Variants in ROBO1 observed in about 807,000 individuals in gnomAD.
The protein encoded by ROBO1 is roundabout guidance receptor 1, also known as roundabout homolog 1.
A neutral mutation model predicts 195.9 loss-of-function variants in ROBO1; 149 were observed. That is an observed-to-expected ratio of 0.76 (90% CI 0.67 to 0.87). The LOEUF (loss-of-function observed/expected upper bound fraction) is 0.87, where lower values mean the gene tolerates loss of function less well. Ranked by LOEUF, ROBO1 falls within the 40% of genes least tolerant of loss-of-function variation. The probability of loss-of-function intolerance (pLI) is 0.00; values close to 1 mark genes in which losing one functional copy is unlikely to be tolerated. For synonymous variants in ROBO1, 816 were observed against 733.2 expected (o/e 1.11, Z -1.82); for missense variants, 1,933 against 2,068.3 (o/e 0.93, Z 1.27).
At chr3:78,705,904 C>G (rs1054561193) in intron 8 of ROBO1, among the ~76,000 whole-genome samples, 4 of 151,884 alleles carry the variant, frequency 2.6e-5, no homozygotes, top group Admixed American at 2.6e-4. Flanking sequence ...AATTCTTGAC[C>G]CCCCCATACC....
At chr3:78,913,014 T>A (rs2038341183) in intron 4 of ROBO1, among the ~76,000 whole-genome samples, 1 of 152,134 alleles carries the variant, frequency 6.6e-6, no homozygotes, top group African/African-American at 2.4e-5. Flanking sequence ...AGCACAGATT[T>A]TTTGATATGA....
intron 4 of ROBO1, among the ~76,000 whole-genome samples, chr3:78,935,941 G>T (rs1310024724): frequency 6.6e-6 from 1 of 151,862 alleles, no homozygotes; most frequent in Non-Finnish European, 1.5e-5. Flanking sequence ...AACTTTAACT[G>T]CATCAATACT....
At chr3:78,707,550 T>G (rs573404678) in intron 8 of ROBO1, among the ~76,000 whole-genome samples, 35 of 152,276 alleles carry the variant, frequency 2.3e-4, no homozygotes, top group African/African-American at 8.2e-4. Context: ...ATACTGTATT[T>G]TATAGTTAAA....
intron 2 of ROBO1, among the ~76,000 whole-genome samples, chr3:79,461,527 A>G (rs1937639076): frequency 6.6e-6 from 1 of 152,226 alleles, no homozygotes; most frequent in Non-Finnish European, 1.5e-5. Flanking sequence ...ATTGTCATCC[A>G]TACATTATTG....
At chr3:79,599,219 G>A (rs1240505434) in intron 1 of ROBO1, among the ~76,000 whole-genome samples, 1 of 151,936 alleles carries the variant, frequency 6.6e-6, no homozygotes, top group Non-Finnish European at 1.5e-5. Flanking sequence ...TTCAAATAAA[G>A]TACTAGATGA....
intron 1 of ROBO1, among the ~76,000 whole-genome samples, chr3:79,703,607 A>G (rs1423832907): frequency 6.6e-6 from 1 of 151,936 alleles, no homozygotes; most frequent in African/African-American, 2.4e-5. Context: ...TACTCTATTA[A>G]TGCCATGTCT....
chr3:79,672,009 G>T (rs914197011), intron 1 of ROBO1, among the ~76,000 whole-genome samples: 1 of 151,854 alleles, frequency 6.6e-6, no homozygotes, highest in Non-Finnish European at 1.5e-5. Context: ...TTCTGCACAG[G>T]TTTTCTCTAA....
At chr3:78,763,052 A>G (rs2083145113) in intron 4 of ROBO1, among the ~76,000 whole-genome samples, 2 of 152,166 alleles carry the variant, frequency 1.3e-5, no homozygotes, top group Admixed American at 1.3e-4. Context: ...CTCTATAAAT[A>G]ATTGACAGCT....
intron 4 of ROBO1, among the ~76,000 whole-genome samples, chr3:78,757,432 TGC>T (rs1491427327): frequency 1.1e-4 from 5 of 47,008 alleles, no homozygotes; most frequent in African/African-American, 2.2e-4. Context: ...CATGCGCACA[TGC>T]ACACACACAC....
chr3:78,693,368 CA>C (rs772411213), intron 8 of ROBO1: 3 of 1,525,956 alleles, frequency 2.0e-6, no homozygotes, highest in African/African-American at 2.8e-5. Flanking sequence ...TAAAACAAAA[CA>C]AAAAAAGAAA....
chr3:78,819,951 C>T (rs1361062233), intron 4 of ROBO1, among the ~76,000 whole-genome samples: 1 of 152,144 alleles, frequency 6.6e-6, no homozygotes, highest in Non-Finnish European at 1.5e-5. Context: ...TCCATTATCC[C>T]CAATGGGATA....
chr3:78,659,918 CTTTTTTT>C (rs76880412), intron 16 of ROBO1, 111 bp from the exon 17 acceptor site: 2,279 of 402,870 alleles, frequency 5.7e-3, no homozygotes, highest in South Asian at 0.011. Flanking sequence ...TCAATATATG[CTTTTTTT>C]TTTTTTTTTT....
intron 2 of ROBO1, among the ~76,000 whole-genome samples, chr3:79,376,518 T>C (rs2036390765): frequency 6.6e-6 from 1 of 152,138 alleles, no homozygotes; most frequent in Non-Finnish European, 1.5e-5. Context: ...TGTGAGGTAA[T>C]TGAATCATGG....
In ROBO1 at chr3:79,321,378, A is replaced by G. The variant is rs2033975291; in HGVS notation, c.89-195839T>C. On this transcript the variant is annotated intron_variant, in intron 2 of 30. Coordinates refer to ENST00000464233, the MANE Select transcript of ROBO1 (RefSeq NM_002941.4). Reference sequence around the variant, plus strand: ...GGACACTTTGTAGCAGGCATGTTCCAAGTATTTTATACATGCTATCTTTTG... The same window carrying G: ...GGACACTTTGTAGCAGGCATGTTCCGAGTATTTTATACATGCTATCTTTTG... 2.0e-5 allele frequency among the ~76,000 whole-genome samples: 3 copies of G among 152,216 alleles called. No homozygotes were observed. The South Asian group carries it at 6.2e-4, about 31-fold the overall frequency.
intron 29 of ROBO1, among the ~76,000 whole-genome samples, chr3:78,606,109 A>G (rs918858876): frequency 6.6e-6 from 1 of 152,220 alleles, no homozygotes; most frequent in Admixed American, 6.5e-5. Context: ...ACTCAGAATT[A>G]CTTGTTGGCT....
chr3:79,752,048 A>C (rs1451321570), intron 1 of ROBO1, among the ~76,000 whole-genome samples: 1 of 152,154 alleles, frequency 6.6e-6, no homozygotes, highest in Non-Finnish European at 1.5e-5. Flanking sequence ...GGGTATTTTT[A>C]TTTGAAAAGG....
At chr3:79,701,468 G>C (rs1167726495) in intron 1 of ROBO1, among the ~76,000 whole-genome samples, 1 of 151,364 alleles carries the variant, frequency 6.6e-6, no homozygotes, top group African/African-American at 2.4e-5. Context: ...GAGCTAAAAC[G>C]GGCCTGAGTT....
intron 4 of ROBO1, among the ~76,000 whole-genome samples, chr3:78,767,617 G>A (rs566942208): frequency 6.6e-6 from 1 of 152,202 alleles, no homozygotes; most frequent in South Asian, 2.1e-4. Flanking sequence ...TTGTTGGTCT[G>A]TTCAGGGTAT....
chr3:78,708,597 TAA>T (rs1471405880), intron 8 of ROBO1, among the ~76,000 whole-genome samples: 1 of 152,158 alleles, frequency 6.6e-6, no homozygotes, highest in African/African-American at 2.4e-5. Flanking sequence ...GGATTTAGAT[TAA>T]GATAGCAAAA....
Sources: gnomAD v4.1 joint callset for allele counts (sites outside exome capture counted in the v4.1 genomes callset) on GRCh38, gnomAD v4.1.1 for gene constraint, MANE v1.5 for transcripts, NCBI Gene and HGNC (gene_info 2026-07-23, HGNC 2026-07-21) for gene names.